The following CCDC197 variants were observed in gnomAD, a reference collection of about 807,000 sequenced individuals.
CCDC197 encodes coiled-coil domain containing 197.
In CCDC197, 24 loss-of-function variants were observed where a neutral mutation model predicts 13.4. The ratio of observed to expected loss-of-function variants is 1.80; its 90% CI spans 1.30 to 2.53. CCDC197 has a LOEUF of 2.53. Ranked by LOEUF, CCDC197 falls within the 30% of genes most tolerant of loss-of-function variation. The probability of loss-of-function intolerance (pLI) is 0.00; values close to 1 mark genes in which losing one functional copy is unlikely to be tolerated. For synonymous variants in CCDC197, 99 were observed against 55.5 expected, an observed-to-expected ratio of 1.78 and a Z score of -3.48; for missense variants, 255 against 148.8, an observed-to-expected ratio of 1.71 and a Z score of -3.71.
At chr14:94,005,474 ACT>A (rs34384087) in intron 6 of CCDC197, among the ~76,000 whole-genome samples, 1 of 152,058 alleles carries the variant, frequency 6.6e-6, no homozygotes, top group Non-Finnish European at 1.5e-5. Context: ...TAAACTTCAC[ACT>A]GTCAGTCCAC....
intron 1 of CCDC197, among the ~76,000 whole-genome samples, chr14:93,989,441 C>A (rs12431811): frequency 6.6e-6 from 1 of 151,950 alleles, no homozygotes; most frequent in Admixed American, 6.5e-5. Context: ...CTGCTCAGAG[C>A]GTGGTGCTCC....
chr14:94,009,601 C>T (rs1365398261), downstream of CCDC197, among the ~76,000 whole-genome samples: 1 of 152,166 alleles, frequency 6.6e-6, no homozygotes, highest in East Asian at 1.9e-4. Context: ...TGGTGGCACA[C>T]ACCTGTGATT....
Position 93,999,669 on chromosome 14 carries a change from T to G in CCDC197, c.187+4T>G, listed in dbSNP as rs1238477383. ...GTCCTTGAGAAAATCCCCGAGGGTA[T>G]GTACACAGCTTCCTCGGAAAGCCCT... On this transcript the variant is annotated splice_donor_region_variant and intron_variant, in intron 3 of 6. Transcript: ENST00000636493. 2.6e-6 allele frequency: 2 copies of G among 780,856 alleles called. No homozygotes were observed. The highest frequency in any genetic ancestry group is 1.7e-5 in the Admixed American group (1 of 59,010). The allele number at this position is 780,856 out of a possible 1,614,324, so 48.4% of individuals were successfully genotyped here. A position where few individuals can be genotyped will look rare whatever the true frequency, so the allele number is the denominator to read the frequency against.
At chr14:93,987,930 G>A (rs982644062) in intron 1 of CCDC197, among the ~76,000 whole-genome samples, 5 of 148,448 alleles carry the variant, frequency 3.4e-5, no homozygotes, top group South Asian at 2.2e-4. Flanking sequence ...AGGACAGCGC[G>A]GGAGGGAGGT....
chr14:94,004,859 A>G lies in CCDC197; in HGVS notation c.503A>G (p.Gln168Arg), dbSNP rs1890634837. 4.3e-6 allele frequency: 3 copies of G among 702,866 alleles called. No homozygotes were observed. The highest frequency in any genetic ancestry group is 4.0e-5 in the Admixed American group (2 of 49,998). 43.5% of individuals were successfully genotyped at this position (702,866 alleles called of 1,614,324 possible). ...TCCTCCTTCTCTTTCCTGCAGGATC[A>G]GCTGCTCGGCTACATGCAAATGACC... ...DTHTSSSYND[Q>R]LLGYMQMTIT... The change falls in exon 6 of 7, where the codon CAG (glutamine) becomes CGG (arginine). Residue 168 changes from glutamine to arginine, a missense_variant. Transcript: ENST00000636493.
downstream of CCDC197, among the ~76,000 whole-genome samples, chr14:94,010,195 G>A (rs1209437494): frequency 2.6e-5 from 4 of 151,806 alleles, no homozygotes; most frequent in Non-Finnish European, 5.9e-5. Flanking sequence ...TGGGGTGTTT[G>A]TTTGTTTGTT....
rs1890498411 is a variant in CCDC197 at position 94,001,300 on chromosome 14, G to A, written c.343G>A (p.Glu115Lys). 4 of 779,022 alleles carry A rather than the reference G, an allele frequency of 5.1e-6. No homozygotes were observed. Among genetic ancestry groups the A allele is most frequent in the Middle Eastern group, 2.3e-4 (1 of 4,434 alleles). The allele number at this position is 779,022 out of a possible 1,614,324, so 48.3% of individuals were successfully genotyped here. The change falls in exon 4 of 7, where the codon GAG (glutamate) becomes AAG (lysine). Residue 115 changes from glutamate to lysine, a missense_variant. Transcript: ENST00000636493. The part of the protein sequence containing the change: ...AVHRSLESLE[E>K]DHRALMLSLK... ...CCACCGGAGCCTGGAGTCTCTGGAG[G>A]AGGACCACAGGGCTCTCATGTTGGT...
intron 2 of CCDC197, among the ~76,000 whole-genome samples, chr14:93,999,061 T>C (rs1890408235): frequency 1.3e-5 from 2 of 152,210 alleles, no homozygotes; most frequent in South Asian, 2.1e-4. Context: ...GGTCAGGCAA[T>C]AGCACGTGGC....
intron 6 of CCDC197, 61 bp downstream of exon 6, chr14:94,005,032 C>T (rs1404721449): frequency 1.5e-6 from 1 of 683,590 alleles, no homozygotes; most frequent in African/African-American, 1.8e-5. Context: ...CCAACTTGAG[C>T]TAGTCCTGCT....
intron 1 of CCDC197, 124 bp from the exon 2 acceptor site, chr14:93,997,875 T>G (rs563335969): frequency 1.0e-4 from 51 of 506,732 alleles, no homozygotes; most frequent in African/African-American, 5.8e-4. Flanking sequence ...TCTCCAGAGC[T>G]GGGGATGCAG....
chr14:94,001,923 A>T (rs1890526138), intron 4 of CCDC197, among the ~76,000 whole-genome samples: 1 of 152,190 alleles, frequency 6.6e-6, no homozygotes, highest in Non-Finnish European at 1.5e-5. Flanking sequence ...GGTTCACTGC[A>T]AAGGGTTGCT....
chr14:93,996,869 C>T (rs569780827), upstream of CCDC197, among the ~76,000 whole-genome samples: 23 of 152,332 alleles, frequency 1.5e-4, no homozygotes, highest in African/African-American at 5.5e-4. Flanking sequence ...AGGGGCAGTT[C>T]CCAGACATGG....
intron 5 of CCDC197, 82 bp from the exon 6 acceptor site, chr14:94,004,773 G>C (rs112086452): frequency 4.5e-6 from 3 of 671,350 alleles, no homozygotes; most frequent in Non-Finnish European, 8.1e-6. Flanking sequence ...ACGACACTTC[G>C]CTGGCTGGAG....
intron 4 of CCDC197, 96 bp downstream of exon 4, chr14:94,001,419 G>C (rs1302240122): frequency 5.1e-6 from 3 of 582,806 alleles, no homozygotes; most frequent in Non-Finnish European, 9.2e-6. Flanking sequence ...AGGCCTAGAG[G>C]GAGCAGCGGC....
intron 2 of CCDC197, 30 bp downstream of exon 2, chr14:93,998,265 C>T (rs764270634): frequency 2.6e-6 from 2 of 767,712 alleles, no homozygotes; most frequent in Non-Finnish European, 4.8e-6. Flanking sequence ...TGCCCCAGCC[C>T]CAGCCCCAGT....
chr14:94,003,187 T>A lies in CCDC197; in HGVS notation c.367-36T>A, dbSNP rs1256366314. On this transcript the variant is annotated intron_variant, in intron 4 of 6. Coordinates refer to ENST00000636493, the MANE Select transcript of CCDC197 (RefSeq NM_001351596.2). The surrounding 1 kb of genome is among the most constrained non-coding windows in gnomAD (Gnocchi z 5.0). ...GACCAGGGCATATGCCCTGGAGGGT[T>A]TGTTGTACCAAGATGGCCCATTCCC... The A allele has an allele frequency of 1.3e-6, 1 of 773,250 alleles. No homozygotes were observed. The highest frequency in any genetic ancestry group is 1.7e-5 in the Admixed American group (1 of 58,602). The allele number at this position is 773,250 out of a possible 1,614,324, so 47.9% of individuals were successfully genotyped here. A position where few individuals can be genotyped will look rare whatever the true frequency, so the allele number is the denominator to read the frequency against.
At position 93,997,315 on chromosome 14, in the gene CCDC197, C is replaced by T. The variant is rs569842309; in HGVS notation, c.-390C>T. The T allele has an allele frequency of 1.3e-5, 2 of 152,454 alleles. No individual in the cohort carries two copies. Among genetic ancestry groups the T allele is most frequent in the African/African-American group, 2.4e-5 (1 of 41,576 alleles). The allele number at this position is 152,454 out of a possible 1,614,324, so 9.4% of individuals were successfully genotyped here. ...GTAGGTGAGTCAGCTAGGCCCCTTC[C>T]TCCTCCAGTGCCTGTCTACCTATGT... On this transcript the variant is annotated 5_prime_UTR_variant, in exon 1 of 7. Transcript: ENST00000636493.
downstream of CCDC197, among the ~76,000 whole-genome samples, chr14:94,010,981 T>A (rs571252615): frequency 1.3e-3 from 193 of 152,326 alleles, 9 homozygotes; most frequent in South Asian, 0.038. Flanking sequence ...AATCTGCATT[T>A]CTAACAAGTC....
intron 1 of CCDC197, 41 bp from the exon 2 acceptor site, chr14:93,997,958 C>G (rs11848701): frequency 0.014 from 8,682 of 611,172 alleles, 154 homozygotes; most frequent in African/African-American, 0.06. Flanking sequence ...CCTTAAGCTG[C>G]TCACAGCCCC....
Sources: gnomAD v4.1 joint callset for allele counts (sites outside exome capture counted in the v4.1 genomes callset) on GRCh38, gnomAD v4.1.1 for gene constraint, Gnocchi (gnomAD v3.1) non-coding constraint, MANE v1.5 for transcripts, NCBI Gene and HGNC (gene_info 2026-07-23, HGNC 2026-07-21) for gene names.